LANCL1: variants seen among roughly 807,000 people sequenced by gnomAD.
LANCL1 encodes LanC like glutathione S-transferase 1.
In LANCL1, 50 loss-of-function variants were observed where a neutral mutation model predicts 50.6. The observed-to-expected ratio is 0.99, with a 90% CI of 0.79 to 1.25. The LOEUF is 1.25. LANCL1 is among the 50% of genes most tolerant of loss of function. The probability of loss-of-function intolerance (pLI) is 0.00; values close to 1 mark genes in which losing one functional copy is unlikely to be tolerated. For missense variants in LANCL1, 532 were observed against 480.7 expected (o/e 1.11, Z -1.00); for synonymous variants, 188 against 178.6 (o/e 1.05, Z -0.42).
intron 4 of LANCL1, among the ~76,000 whole-genome samples, chr2:210,454,233 C>T (rs890889786): frequency 2.0e-4 from 5 of 24,784 alleles, no homozygotes; most frequent in East Asian, 9.5e-3. Context: ...CACACACACA[C>T]ACACACACAC....
Position 210,455,162 on chromosome 2 carries a change from C to G in LANCL1, c.352G>C (p.Ala118Pro), listed in dbSNP as rs370249839. Residue 118 changes from alanine (A) to proline (P), a missense_variant, in exon 4 of 10, where the codon GCT becomes CCT. Coordinates refer to ENST00000450366, the MANE Select transcript of LANCL1 (RefSeq NM_006055.3). ...TTGTTCATCTTGTGATATAGCACAG[C>G]GGCCACTGCCAGGGGGCCTGCATCC... ...CGDAGPLAVAAVLYHKMNNEK... is the reference protein window; with the variant it reads ...CGDAGPLAVAPVLYHKMNNEK... The G allele has an allele frequency of 6.2e-7, 1 of 1,613,684 alleles. No homozygotes were observed. Among genetic ancestry groups the G allele is most frequent in the East Asian group, 2.2e-5 (1 of 44,882 alleles).
intron 4 of LANCL1, among the ~76,000 whole-genome samples, chr2:210,446,481 G>T (rs551437979): frequency 6.6e-6 from 1 of 152,068 alleles, no homozygotes; most frequent in Non-Finnish European, 1.5e-5. Context: ...GCCAGCAAGG[G>T]AACAAAACTG....
At chr2:210,465,399 TG>T (rs1227083072) in intron 3 of LANCL1, among the ~76,000 whole-genome samples, 2 of 152,166 alleles carry the variant, frequency 1.3e-5, no homozygotes, top group Non-Finnish European at 2.9e-5. Context: ...CTGAACTGCT[TG>T]ATATAATGTA....
In LANCL1 at chr2:210,437,790, G is replaced by T; in HGVS notation, c.773C>A (p.Ser258Tyr). Residue 258 changes from serine to tyrosine, a missense_variant, in exon 7 of 10, where the codon TCT becomes TAT. Physicochemically the swap from Ser to Tyr is moderately radical, Grantham distance 144 (BLOSUM62 -2). Coordinates refer to ENST00000450366, the MANE Select transcript of LANCL1 (RefSeq NM_006055.3). ...ACCTATACATGGAGGGTAATTGCCAGAAGGGAATTTCAGCTGGCAGACGTA... is the reference window on the plus strand; with the variant it reads ...ACCTATACATGGAGGGTAATTGCCATAAGGGAATTTCAGCTGGCAGACGTA... ...VDYVCQLKFP[S>Y]GNYPPCIGDN... 1 of 1,613,514 alleles carries T rather than the reference G, an allele frequency of 6.2e-7. No homozygotes were observed. The highest frequency in any genetic ancestry group is 8.5e-7 in the Non-Finnish European group (1 of 1,179,662).
chr2:210,476,511 C>T (rs1291354769), intron 1 of LANCL1, 99 bp from the exon 2 acceptor site: 2 of 1,424,046 alleles, frequency 1.4e-6, no homozygotes, highest in Non-Finnish European at 1.9e-6. Flanking sequence ...TCCTCCAGCT[C>T]CAGGGCCATC....
intron 2 of LANCL1, among the ~76,000 whole-genome samples, chr2:210,473,348 C>T (rs1694274307): frequency 6.6e-6 from 1 of 152,102 alleles, no homozygotes; most frequent in Non-Finnish European, 1.5e-5. Context: ...GCACTCCAGC[C>T]TGGGCAACAA....
At chr2:210,437,567 A>G (rs1692976077) in intron 7 of LANCL1, 123 bp downstream of exon 7, 1 of 535,224 alleles carries the variant, frequency 1.9e-6, no homozygotes. Context: ...TTCATTTAGT[A>G]AAGTGATCTT....
chr2:210,468,011 C>T (rs1694120219), intron 3 of LANCL1: 1 of 152,068 alleles, frequency 6.6e-6, no homozygotes. Context: ...AAAAGAATGG[C>T]AAGTAACTGT....
At chr2:210,469,038 A>G (rs1360020276) in intron 3 of LANCL1, 1 of 152,216 alleles carries the variant, frequency 6.6e-6, no homozygotes, top group Non-Finnish European at 1.5e-5. Flanking sequence ...AATTGTAATA[A>G]TCATGCAGTT....
intron 6 of LANCL1, among the ~76,000 whole-genome samples, chr2:210,438,401 C>A (rs1693013019): frequency 6.6e-6 from 1 of 152,120 alleles, no homozygotes; most frequent in Non-Finnish European, 1.5e-5. Context: ...TCCCAAAGTG[C>A]TGGGATAACA....
intron 3 of LANCL1, among the ~76,000 whole-genome samples, chr2:210,459,590 A>AT (rs1198923829): frequency 6.6e-6 from 1 of 152,132 alleles, no homozygotes; most frequent in African/African-American, 2.4e-5. Flanking sequence ...AAATAACAAC[A>AT]TTTCCATTAC....
At chr2:210,446,401 A>G (rs1287227931) in intron 4 of LANCL1, among the ~76,000 whole-genome samples, 1 of 152,178 alleles carries the variant, frequency 6.6e-6, no homozygotes, top group Non-Finnish European at 1.5e-5. Flanking sequence ...GATGGGAGAA[A>G]CCAGTGCAAA....
chr2:210,472,650 C>T (rs569687443), intron 2 of LANCL1, among the ~76,000 whole-genome samples: 15 of 152,310 alleles, frequency 9.8e-5, no homozygotes, highest in South Asian at 4.1e-4. Flanking sequence ...GCAGAGAATA[C>T]GGGCTTCACA....
chr2:210,447,780 G>C (rs1016840795), intron 4 of LANCL1, among the ~76,000 whole-genome samples: 1 of 152,164 alleles, frequency 6.6e-6, no homozygotes, highest in Non-Finnish European at 1.5e-5. Flanking sequence ...TAATGGTAAA[G>C]GGATCAATGC....
chr2:210,456,222 A>C (rs1693669354), intron 3 of LANCL1, among the ~76,000 whole-genome samples: 1 of 152,128 alleles, frequency 6.6e-6, no homozygotes, highest in Non-Finnish European at 1.5e-5. Flanking sequence ...TACATTTTCC[A>C]TCTCATTTGC....
chr2:210,467,732 A>G (rs1456713869), intron 3 of LANCL1, among the ~76,000 whole-genome samples: 1 of 152,230 alleles, frequency 6.6e-6, no homozygotes, highest in African/African-American at 2.4e-5. Flanking sequence ...TTAAGGGTCA[A>G]CTTTACACAT....
chr2:210,463,775 G>A (rs3770694), intron 3 of LANCL1, among the ~76,000 whole-genome samples: 82,778 of 151,958 alleles, frequency 0.54, 23,203 homozygotes, highest in East Asian at 0.82. Flanking sequence ...AGACAATATG[G>A]GACAGCTACA....
intron 3 of LANCL1, among the ~76,000 whole-genome samples, chr2:210,463,241 C>T (rs1693927171): frequency 6.6e-6 from 1 of 151,754 alleles, no homozygotes. Context: ...GAGACAGTCT[C>T]CCTTTGTTGC....
At chr2:210,455,466 C>T (rs2105909206) in intron 3 of LANCL1, 152 bp from the exon 4 acceptor site, 1 of 664,870 alleles carries the variant, frequency 1.5e-6, no homozygotes, top group South Asian at 2.0e-5. Flanking sequence ...CTAGGCTCAG[C>T]TCTATTAGTA....
Sources: allele counts gnomAD v4.1 joint callset (sites outside exome capture counted in the v4.1 genomes callset), GRCh38; gene constraint gnomAD v4.1.1; transcripts MANE v1.5; gene names NCBI Gene and HGNC (gene_info 2026-07-23, HGNC 2026-07-21).